PCDH15: variants seen among roughly 807,000 people sequenced by gnomAD.
The protein encoded by PCDH15 is protocadherin-15.
A neutral mutation model predicts 178.5 loss-of-function variants in PCDH15; 129 were observed. The observed-to-expected ratio is 0.72, with a 90% CI of 0.63 to 0.84. The LOEUF is 0.84. PCDH15 is among the 40% of genes least tolerant of loss of function. The pLI is 0.00. For synonymous variants in PCDH15, 800 were observed against 732.0 expected (o/e 1.09, Z -1.50); for missense variants, 2,230 against 2,099.9 (o/e 1.06, Z -1.21).
At chr10:54,909,493 T>G (rs1010020842) in intron 2 of PCDH15, among the ~76,000 whole-genome samples, 1 of 152,166 alleles carries the variant, frequency 6.6e-6, no homozygotes, top group African/African-American at 2.4e-5. Flanking sequence ...TGACAACACC[T>G]AGGACTGGCC....
At chr10:53,915,653 G>A (rs959198698) in intron 25 of PCDH15, among the ~76,000 whole-genome samples, 9 of 152,008 alleles carry the variant, frequency 5.9e-5, no homozygotes, top group East Asian at 1.9e-4. Context: ...TCCACCTCCC[G>A]AGTTCAAGCA....
At chr10:55,378,586 C>T (rs1042074151) in intron 2 of PCDH15, among the ~76,000 whole-genome samples, 5 of 152,144 alleles carry the variant, frequency 3.3e-5, no homozygotes, top group African/African-American at 9.6e-5. Context: ...CAACCAAAAA[C>T]GTACAAAATA....
upstream of PCDH15, among the ~76,000 whole-genome samples, chr10:55,321,689 TG>T (rs2132300259): frequency 1.3e-5 from 2 of 152,286 alleles, no homozygotes; most frequent in South Asian, 4.1e-4. Context: ...AGAAGAGATT[TG>T]GGGCCTATGT....
At chr10:53,848,917 T>C (rs961318080) in intron 28 of PCDH15, among the ~76,000 whole-genome samples, 2 of 152,138 alleles carry the variant, frequency 1.3e-5, no homozygotes, top group Non-Finnish European at 2.9e-5. Flanking sequence ...TTATCTTTGA[T>C]TTAAAACTAA....
chr10:54,144,175 G>A (rs2043672378), intron 14 of PCDH15, among the ~76,000 whole-genome samples: 1 of 152,040 alleles, frequency 6.6e-6, no homozygotes. Context: ...ATCACCTGTA[G>A]TATGACGCTG....
At chr10:54,758,207 T>G (rs1350028989) in intron 1 of PCDH15, among the ~76,000 whole-genome samples, 2 of 152,224 alleles carry the variant, frequency 1.3e-5, no homozygotes, top group African/African-American at 2.4e-5. Context: ...CAACTTTAAA[T>G]GGTTCGACTT....
intron 2 of PCDH15, among the ~76,000 whole-genome samples, chr10:54,629,112 T>C (rs189137596): frequency 6.8e-4 from 104 of 152,066 alleles, no homozygotes; most frequent in African/African-American, 2.4e-3. Context: ...TACTTATTAT[T>C]CCACCGGAAG....
At chr10:54,694,794 G>A (rs902024240) in intron 1 of PCDH15, among the ~76,000 whole-genome samples, 2 of 151,908 alleles carry the variant, frequency 1.3e-5, no homozygotes, top group African/African-American at 4.8e-5. Flanking sequence ...TTCAAATTAG[G>A]CCAACTAATA....
At chr10:54,689,630 A>G (rs1025544396) in intron 1 of PCDH15, among the ~76,000 whole-genome samples, 8 of 152,200 alleles carry the variant, frequency 5.3e-5, no homozygotes, top group Non-Finnish European at 1.2e-4. Context: ...CAATTTATGA[A>G]ATAACGACAT....
chr10:54,761,598 G>A (rs140320310), intron 1 of PCDH15, among the ~76,000 whole-genome samples: 6,850 of 152,026 alleles, frequency 0.045, 227 homozygotes, highest in Middle Eastern at 0.092. Context: ...CAGGAAAATC[G>A]CTTGAACCTG....
intron 2 of PCDH15, chr10:54,599,931 G>A: frequency 1.2e-6 from 1 of 854,912 alleles, no homozygotes; most frequent in Non-Finnish European, 1.9e-6. Flanking sequence ...TGGCCACTAA[G>A]GAGGAGTTGG....
chr10:54,161,596 C>T (rs1450232467), intron 13 of PCDH15, among the ~76,000 whole-genome samples: 2 of 148,996 alleles, frequency 1.3e-5, no homozygotes, highest in African/African-American at 2.5e-5. Flanking sequence ...CCCACCCCCA[C>T]CCCACCATAC....
chr10:55,212,355 C>G (rs1179946192), intron 1 of PCDH15, among the ~76,000 whole-genome samples: 1 of 152,006 alleles, frequency 6.6e-6, no homozygotes, highest in Admixed American at 6.5e-5. Context: ...ATCCAGTAAC[C>G]CATTTCTCCA....
chr10:55,331,100 G>GT (rs1844187994), intron 2 of PCDH15, among the ~76,000 whole-genome samples: 1 of 151,728 alleles, frequency 6.6e-6, no homozygotes, highest in African/African-American at 2.4e-5. Flanking sequence ...AACAACAATG[G>GT]TAACAAGGCT....
chr10:55,415,270 A>G (rs1399580775), intron 2 of PCDH15, among the ~76,000 whole-genome samples: 1 of 151,604 alleles, frequency 6.6e-6, no homozygotes, highest in Non-Finnish European at 1.5e-5. Flanking sequence ...TCTTGTTGCA[A>G]TATGTTCTTT....
chr10:54,246,213 A>T (rs1348157987), intron 8 of PCDH15, among the ~76,000 whole-genome samples: 1 of 151,948 alleles, frequency 6.6e-6, no homozygotes, highest in East Asian at 1.9e-4. Flanking sequence ...ATTAGATCAC[A>T]GTCTGACAAA....
intron 1 of PCDH15, among the ~76,000 whole-genome samples, chr10:55,270,907 G>A (rs960691956): frequency 6.6e-6 from 1 of 152,078 alleles, no homozygotes; most frequent in Non-Finnish European, 1.5e-5. Flanking sequence ...CAGTGGTAGA[G>A]TGAATAAAGA....
chr10:54,140,185 A>T (rs1041836496), intron 14 of PCDH15, among the ~76,000 whole-genome samples: 3 of 152,232 alleles, frequency 2.0e-5, no homozygotes, highest in Non-Finnish European at 4.4e-5. Flanking sequence ...AAAGAAATAC[A>T]TTAGCAGTTT....
chr10:54,158,458 T>A (rs918970153), intron 13 of PCDH15, among the ~76,000 whole-genome samples: 2 of 152,184 alleles, frequency 1.3e-5, no homozygotes, highest in East Asian at 3.9e-4. Flanking sequence ...CCCACAATAC[T>A]TGGGAATTCA....
Sources: allele counts gnomAD v4.1 joint callset (sites outside exome capture counted in the v4.1 genomes callset), GRCh38; gene constraint gnomAD v4.1.1; transcripts MANE v1.5; gene names NCBI Gene and HGNC (gene_info 2026-07-23, HGNC 2026-07-21).